Variants in RAPH1 observed in about 807,000 individuals in gnomAD.
The protein encoded by RAPH1 is ras-associated and pleckstrin homology domains-containing protein 1.
Under a neutral mutation model 88.1 loss-of-function variants are expected in RAPH1, and 18 were observed. The ratio of observed to expected loss-of-function variants is 0.20; its 90% confidence interval spans 0.14 to 0.30. The LOEUF is 0.30. RAPH1 is among the 10% of genes least tolerant of loss of function. RAPH1 has a pLI of 1.00. For missense variants in RAPH1, 1,448 were observed against 1,543.2 expected (o/e 0.94, Z 1.03); for synonymous variants, 587 against 559.0 (o/e 1.05, Z -0.71).
rs1014503708 is a variant in RAPH1 at position 203,435,571 on chromosome 2, T to C, written c.*3866A>G. On this transcript the variant is annotated 3_prime_UTR_variant, in exon 14 of 14. Coordinates refer to ENST00000319170, the MANE Select transcript of RAPH1 (RefSeq NM_213589.3). ...TGCAATCTAAAGGGTTTTCTTCCCC[T>C]AGAAACAGTCACCCTCTCGTCAAGT... 2 of 151,856 alleles carry C rather than the reference T, an allele frequency of 1.3e-5. No homozygotes were observed. The highest frequency in any genetic ancestry group is 2.9e-5 in the Non-Finnish European group (2 of 67,980). The allele number at this position is 151,856 out of a possible 1,614,324, so 9.4% of individuals were successfully genotyped here.
chr2:203,457,449 G>T, intron 8 of RAPH1, 81 bp downstream of exon 8: 2 of 1,095,872 alleles, frequency 1.8e-6, no homozygotes, highest in Non-Finnish European at 2.8e-6. Context: ...CTCCCGAAGT[G>T]TTGGGATTGC....
Position 203,489,894 on chromosome 2 carries a change from T to C in RAPH1, c.422A>G (p.Asn141Ser), listed in dbSNP as rs780492536. The change falls in exon 4 of 14, where the codon AAT (asparagine) becomes AGT (serine). Residue 141 changes from asparagine (N) to serine (S), a missense_variant. By Grantham distance (46) the Asn-to-Ser change is conservative (BLOSUM62 1). Transcript: ENST00000319170. ...GTLKGLSSSS[N>S]RIAKPSHASY... is the part of the protein sequence containing the mutation. The stretch of plus-strand genomic sequence containing the variant: ...GGCATGGGAAGGTTTAGCTATCCTA[T>C]TAGATGAAGAAGATAATCCTTTCAA... 7.4e-6 allele frequency: 12 copies of C among 1,614,218 alleles called. No individual in the cohort carries two copies. In the South Asian group the frequency reaches 1.3e-4, roughly 18 times the overall value.
chr2:203,475,406 CA>C (rs940001628), intron 4 of RAPH1, among the ~76,000 whole-genome samples: 2 of 147,310 alleles, frequency 1.4e-5, no homozygotes, highest in East Asian at 3.9e-4. Context: ...GACTCCGTCT[CA>C]AAAAAAAAGA....
chr2:203,506,804 ATC>A (rs1689052800), intron 1 of RAPH1, among the ~76,000 whole-genome samples: 1 of 117,242 alleles, frequency 8.5e-6, no homozygotes, highest in African/African-American at 4.1e-5. Flanking sequence ...CTATATATAT[ATC>A]TATATCTATA....
Position 203,448,591 on chromosome 2 carries a change from C to A in RAPH1, c.1512+147G>T. 1 of 505,166 alleles carries A rather than the reference C, an allele frequency of 2.0e-6. No individual in the cohort carries two copies. Among genetic ancestry groups the A allele is most frequent in the Non-Finnish European group, 3.5e-6 (1 of 288,312 alleles). The allele number at this position is 505,166 out of a possible 1,614,324, so 31.3% of individuals were successfully genotyped here. On this transcript the variant is annotated intron_variant, in intron 11 of 13. Coordinates refer to ENST00000319170, the MANE Select transcript of RAPH1 (RefSeq NM_213589.3). The surrounding 1 kb of genome is among the most constrained non-coding windows in gnomAD (Gnocchi z 4.1). ...CCCTATAAACAAGGAAAAAAGACAA[C>A]ATTTAAAACTTGAAACTTAGGCCTG...
At chr2:203,469,624 G>T (rs1293253231) in intron 4 of RAPH1, among the ~76,000 whole-genome samples, 4 of 152,156 alleles carry the variant, frequency 2.6e-5, no homozygotes. Context: ...AAGCAACTCA[G>T]CTTCCCTACT....
chr2:203,501,815 G>GAAAAAAAAAAAAAAAAAAGAAAAAA (rs1688750656), intron 1 of RAPH1, among the ~76,000 whole-genome samples: 1 of 106,692 alleles, frequency 9.4e-6, no homozygotes, highest in Non-Finnish European at 1.9e-5. Flanking sequence ...TAAGCATTAT[G>GAAAAAAAAAAAAAAAAAAGAAAAAA]AAAAAAAAAA....
intron 1 of RAPH1, among the ~76,000 whole-genome samples, chr2:203,527,047 G>A (rs548736362): frequency 6.6e-6 from 1 of 152,194 alleles, no homozygotes; most frequent in African/African-American, 2.4e-5. Flanking sequence ...GCCTCCCAAA[G>A]TGCTGGGATT....
At chr2:203,491,380 A>T in intron 2 of RAPH1, 61 bp from the exon 3 acceptor site, 3 of 1,191,120 alleles carry the variant, frequency 2.5e-6, no homozygotes, top group Non-Finnish European at 3.6e-6. Flanking sequence ...ATAAAAAAAG[A>T]TGAAGTTTGT....
intron 1 of RAPH1, among the ~76,000 whole-genome samples, chr2:203,528,819 G>A (rs1234870431): frequency 6.6e-6 from 1 of 151,340 alleles, no homozygotes; most frequent in Non-Finnish European, 1.5e-5. Flanking sequence ...AGTTTCCAAT[G>A]TCATTTGTTA....
At chr2:203,509,679 T>G (rs577116209) in intron 1 of RAPH1, among the ~76,000 whole-genome samples, 34 of 152,290 alleles carry the variant, frequency 2.2e-4, no homozygotes, top group Admixed American at 6.5e-4. Context: ...CTGATATAGT[T>G]TGGATGGGTA....
intron 9 of RAPH1, among the ~76,000 whole-genome samples, chr2:203,454,906 A>G (rs939154425): frequency 6.6e-6 from 1 of 152,216 alleles, no homozygotes; most frequent in Non-Finnish European, 1.5e-5. Context: ...ATGCATATGT[A>G]AAGTATAGTG....
chr2:203,491,461 A>G, intron 2 of RAPH1, 142 bp from the exon 3 acceptor site: 1 of 552,710 alleles, frequency 1.8e-6, no homozygotes. Flanking sequence ...GACTTAAGGA[A>G]AAGTATAATT....
chr2:203,504,658 T>C (rs1688898762), intron 1 of RAPH1, among the ~76,000 whole-genome samples: 2 of 147,800 alleles, frequency 1.4e-5, no homozygotes, highest in African/African-American at 2.6e-5. Context: ...TGCAGCTGGA[T>C]TGAATTTCTC....
intron 1 of RAPH1, among the ~76,000 whole-genome samples, chr2:203,518,305 C>T (rs147484200): frequency 2.8e-4 from 43 of 152,090 alleles, no homozygotes; most frequent in African/African-American, 8.4e-4. Flanking sequence ...CACTTGAGGT[C>T]GGGAGTTTGA....
At chr2:203,494,765 C>T (rs953581149) in intron 2 of RAPH1, among the ~76,000 whole-genome samples, 6 of 147,500 alleles carry the variant, frequency 4.1e-5, no homozygotes, top group Non-Finnish European at 5.9e-5. Flanking sequence ...GCCAAGATTG[C>T]GCCACTGCAC....
At chr2:203,522,014 T>C (rs911015625) in intron 1 of RAPH1, among the ~76,000 whole-genome samples, 1 of 152,188 alleles carries the variant, frequency 6.6e-6, no homozygotes, top group Non-Finnish European at 1.5e-5. Context: ...GGTAAAAACT[T>C]ACACACCAAC....
intron 4 of RAPH1, among the ~76,000 whole-genome samples, chr2:203,475,895 T>C (rs543981065): frequency 2.0e-5 from 3 of 152,148 alleles, no homozygotes; most frequent in Admixed American, 2.0e-4. Context: ...ATATTATTTA[T>C]TATAAATTTC....
chr2:203,528,650 C>T (rs1054541877), intron 1 of RAPH1, among the ~76,000 whole-genome samples: 3 of 152,086 alleles, frequency 2.0e-5, no homozygotes, highest in African/African-American at 4.8e-5. Flanking sequence ...TTAATGAGTA[C>T]TATAACCAAG....
Sources: gnomAD v4.1 joint callset for allele counts (sites outside exome capture counted in the v4.1 genomes callset) on GRCh38, gnomAD v4.1.1 for gene constraint, Gnocchi (gnomAD v3.1) non-coding constraint, MANE v1.5 for transcripts, NCBI Gene and HGNC (gene_info 2026-07-23, HGNC 2026-07-21) for gene names.